The following DCDC2C variants were observed in gnomAD, a reference collection of about 807,000 sequenced individuals.
The protein encoded by DCDC2C is doublecortin domain containing 2C.
In DCDC2C, 44 loss-of-function variants were observed where a neutral mutation model predicts 45.0. That is an observed-to-expected ratio of 0.98 (90% CI 0.77 to 1.26). The LOEUF is 1.26. Ranked by LOEUF, DCDC2C falls within the 50% of genes most tolerant of loss-of-function variation. The pLI, the probability that DCDC2C is intolerant of heterozygous loss-of-function variation, is 0.00. For synonymous variants in DCDC2C, 187 were observed against 178.8 expected (o/e 1.05, Z -0.37); for missense variants, 447 against 468.9 (o/e 0.95, Z 0.43).
At chr2:3,783,526 CG>C (rs1321555157) in intron 9 of DCDC2C, among the ~76,000 whole-genome samples, 2 of 152,266 alleles carry the variant, frequency 1.3e-5, no homozygotes, top group Admixed American at 6.5e-5. Context: ...TGTTTGTGTA[CG>C]TCTACTGTCT....
At chr2:3,803,475 T>C (rs1671162005) in intron 10 of DCDC2C, among the ~76,000 whole-genome samples, 2 of 152,246 alleles carry the variant, frequency 1.3e-5, no homozygotes, top group South Asian at 4.1e-4. Flanking sequence ...GAAAATAATC[T>C]CAGTTGTCTT....
intron 10 of DCDC2C, among the ~76,000 whole-genome samples, chr2:3,841,340 C>T (rs981072166): frequency 1.1e-4 from 17 of 149,800 alleles, no homozygotes; most frequent in East Asian, 7.8e-4. Flanking sequence ...GCAAGGTGAA[C>T]GCAGAAGTTT....
chr2:3,828,838 T>C (rs1265336296), intron 10 of DCDC2C, among the ~76,000 whole-genome samples: 1 of 152,258 alleles, frequency 6.6e-6, no homozygotes, highest in Non-Finnish European at 1.5e-5. Context: ...GTTTCATTTT[T>C]CTGGGAGAAT....
intron 10 of DCDC2C, among the ~76,000 whole-genome samples, chr2:3,791,719 G>A (rs1670815801): frequency 6.6e-6 from 1 of 152,178 alleles, no homozygotes; most frequent in Admixed American, 6.5e-5. Context: ...TGTGTTGTTT[G>A]CAGTGGCCTG....
chr2:3,735,198 C>T (rs931617448), intron 3 of DCDC2C, among the ~76,000 whole-genome samples: 39 of 152,202 alleles, frequency 2.6e-4, no homozygotes, highest in African/African-American at 9.2e-4. Context: ...AGGCATTCAG[C>T]GTGCAGAAGG....
intron 10 of DCDC2C, among the ~76,000 whole-genome samples, chr2:3,802,473 C>G (rs992062419): frequency 9.2e-5 from 14 of 152,198 alleles, no homozygotes; most frequent in African/African-American, 3.4e-4. Flanking sequence ...TGAGTATAGG[C>G]TGCTATAGCA....
At chr2:3,835,693 TG>T (rs1672060043) in intron 10 of DCDC2C, among the ~76,000 whole-genome samples, 2 of 152,264 alleles carry the variant, frequency 1.3e-5, no homozygotes, top group South Asian at 4.1e-4. Context: ...TGCAGGTCAT[TG>T]ATTTGAGGCC....
At chr2:3,826,592 A>G (rs1396581660) in intron 10 of DCDC2C, among the ~76,000 whole-genome samples, 4 of 152,044 alleles carry the variant, frequency 2.6e-5, no homozygotes, top group African/African-American at 9.7e-5. Flanking sequence ...CATTTCCCAC[A>G]TTGCTGATCT....
In DCDC2C at chr2:3,722,603, G is replaced by A. The variant is rs571988400; in HGVS notation, c.340-4400G>A. Among the ~76,000 whole-genome samples, 4 of 152,302 alleles carry A rather than the reference G, an allele frequency of 2.6e-5. No homozygotes were observed. In the East Asian group the frequency reaches 5.8e-4, roughly 22 times the overall value. On this transcript the variant is annotated intron_variant, in intron 2 of 10. Coordinates refer to ENST00000399143, the MANE Select transcript of DCDC2C (RefSeq NM_001287444.2). ...CTCATGGCGTCCTTCAGCCTCTCAGGACAGATGACTGATGTGAGTCTTTGG... is the reference window on the plus strand; with the variant it reads ...CTCATGGCGTCCTTCAGCCTCTCAGAACAGATGACTGATGTGAGTCTTTGG...
intron 10 of DCDC2C, among the ~76,000 whole-genome samples, chr2:3,812,127 G>A (rs1051144776): frequency 2.6e-5 from 4 of 151,414 alleles, no homozygotes; most frequent in African/African-American, 9.7e-5. Context: ...ATTTTCAATT[G>A]TTTGGAGTAG....
intron 10 of DCDC2C, 90 bp downstream of exon 10, chr2:3,785,190 A>C: frequency 9.7e-7 from 1 of 1,033,576 alleles, no homozygotes; most frequent in South Asian, 4.9e-5. Context: ...AAATCTTCTC[A>C]GGTGCTTTTT....
At chr2:3,838,452 C>CAG (rs61141962) in intron 10 of DCDC2C, among the ~76,000 whole-genome samples, 22,891 of 112,118 alleles carry the variant, frequency 0.2, 1,866 homozygotes, top group East Asian at 0.36. Flanking sequence ...AGGATCATGA[C>CAG]AGAGAGAGAG....
rs561241008 is a variant in DCDC2C at position 3,744,637 on chromosome 2, A to C, written c.545+2589A>C. On this transcript the variant is annotated intron_variant, in intron 4 of 10. Transcript: ENST00000399143. ...GAGCAGAAACAGTTAATCCTGCCTT[A>C]TGCTTTTGTCAGTTAACTCTCCTTT... Among the ~76,000 whole-genome samples the C allele has an allele frequency of 2.6e-5, 4 of 152,354 alleles. No individual in the cohort carries two copies. In the East Asian group the frequency reaches 5.8e-4, roughly 22 times the overall value.
chr2:3,714,245 A>G (rs983146926), intron 2 of DCDC2C, among the ~76,000 whole-genome samples: 12 of 152,366 alleles, frequency 7.9e-5, no homozygotes, highest in African/African-American at 2.9e-4. Context: ...AAATACTTCA[A>G]TATAATGAAT....
chr2:3,736,035 T>C (rs1669013634), intron 3 of DCDC2C, among the ~76,000 whole-genome samples: 1 of 152,116 alleles, frequency 6.6e-6, no homozygotes, highest in Admixed American at 6.6e-5. Flanking sequence ...ACATCTAATA[T>C]CCATGGAGTT....
At chr2:3,800,729 A>G (rs1288281969) in intron 10 of DCDC2C, among the ~76,000 whole-genome samples, 1 of 148,686 alleles carries the variant, frequency 6.7e-6, no homozygotes, top group East Asian at 2.2e-4. Context: ...GTTTAATAAC[A>G]TTCATAGTTT....
At chr2:3,812,841 G>A (rs13026253) in intron 10 of DCDC2C, among the ~76,000 whole-genome samples, 23,618 of 151,774 alleles carry the variant, frequency 0.16, 1,927 homozygotes, top group East Asian at 0.29. Flanking sequence ...TATTTGCCCA[G>A]GAGTCATTCA....
At chr2:3,714,267 C>T (rs12620327) in intron 2 of DCDC2C, among the ~76,000 whole-genome samples, 77,405 of 152,034 alleles carry the variant, frequency 0.51, 20,895 homozygotes, top group African/African-American at 0.69. Flanking sequence ...TGAAGTTGCA[C>T]TTCATTAAAT....
At chr2:3,794,064 G>T (rs1360531982) in intron 10 of DCDC2C, among the ~76,000 whole-genome samples, 1 of 152,164 alleles carries the variant, frequency 6.6e-6, no homozygotes, top group African/African-American at 2.4e-5. Flanking sequence ...CCATATCAAT[G>T]AACTTTTTAT....
Sources: allele counts gnomAD v4.1 joint callset (sites outside exome capture counted in the v4.1 genomes callset), GRCh38; gene constraint gnomAD v4.1.1; transcripts MANE v1.5; gene names NCBI Gene and HGNC (gene_info 2026-07-23, HGNC 2026-07-21).